The following THRB variants were observed in gnomAD, a reference collection of about 807,000 sequenced individuals.
THRB encodes nuclear receptor subfamily 1 group A member 2.
In THRB, 12 loss-of-function variants were observed where a neutral mutation model predicts 47.8. That is an observed-to-expected ratio of 0.25 (90% CI 0.16 to 0.41). THRB has a LOEUF of 0.41. Ranked by LOEUF, THRB falls within the 10% of genes least tolerant of loss-of-function variation. The probability of loss-of-function intolerance (pLI) is 1.00; values close to 1 mark genes in which losing one functional copy is unlikely to be tolerated. For missense variants in THRB, 348 were observed against 589.2 expected (o/e 0.59, Z 4.24); for synonymous variants, 218 against 212.2 (o/e 1.03, Z -0.24).
chr3:24,369,451 G>T (rs112711458), intron 1 of THRB, among the ~76,000 whole-genome samples: 1 of 152,058 alleles, frequency 6.6e-6, no homozygotes, highest in East Asian at 1.9e-4. Flanking sequence ...TGCACACATT[G>T]CCTTCACAAC....
At chr3:24,384,440 G>C (rs924565038) in intron 1 of THRB, among the ~76,000 whole-genome samples, 1 of 152,120 alleles carries the variant, frequency 6.6e-6, no homozygotes, top group African/African-American at 2.4e-5. Flanking sequence ...TCACAGCAAA[G>C]AAATCTCATT....
At chr3:24,126,133 C>G (rs1161050620) in intron 10 of THRB, among the ~76,000 whole-genome samples, 1 of 152,122 alleles carries the variant, frequency 6.6e-6, no homozygotes, top group Non-Finnish European at 1.5e-5. Flanking sequence ...TGGCTCATGC[C>G]TATAATCCCA....
At chr3:24,252,742 G>A (rs1441855345) in intron 3 of THRB, among the ~76,000 whole-genome samples, 1 of 151,738 alleles carries the variant, frequency 6.6e-6, no homozygotes, top group Non-Finnish European at 1.5e-5. Context: ...AAGAATAAGA[G>A]AACATTTATA....
At chr3:24,370,447 G>A (rs950325772) in intron 1 of THRB, among the ~76,000 whole-genome samples, 1 of 152,068 alleles carries the variant, frequency 6.6e-6, no homozygotes, top group Non-Finnish European at 1.5e-5. Context: ...CAGGACGTGT[G>A]TGAGGTGTGC....
At chr3:24,215,645 G>A (rs1018668322) in intron 4 of THRB, among the ~76,000 whole-genome samples, 4 of 152,170 alleles carry the variant, frequency 2.6e-5, no homozygotes, top group African/African-American at 9.7e-5. Context: ...TTATGACACA[G>A]ACTCATTATC....
intron 1 of THRB, among the ~76,000 whole-genome samples, chr3:24,441,154 C>G (rs2071489076): frequency 6.6e-6 from 1 of 152,198 alleles, no homozygotes; most frequent in African/African-American, 2.4e-5. Flanking sequence ...ACCTACCATT[C>G]TATGCCATGT....
intron 1 of THRB, among the ~76,000 whole-genome samples, chr3:24,375,332 TTATTATATTTAGACATATAA>T (rs2065191630): frequency 6.9e-6 from 1 of 144,470 alleles, no homozygotes; most frequent in Non-Finnish European, 1.5e-5. Context: ...TAGACATATA[TTATTATATTTAGACATATAA>T]TATTAATATA....
In THRB at chr3:24,419,586, A is replaced by T. The variant is rs181286627; in HGVS notation, c.-261+75066T>A. ...GCCAAGGTTATCTAAAGTTAAAAAT[A>T]GAATTCAGTTCTCTGGACTCCGAGT... On this transcript the variant is annotated intron_variant, in intron 1 of 10. Coordinates refer to ENST00000646209, the MANE Select transcript of THRB (RefSeq NM_001354712.2). Among the ~76,000 whole-genome samples the T allele has an allele frequency of 7.9e-5, 12 of 152,094 alleles. No homozygotes were observed. In the East Asian group the frequency reaches 2.3e-3, roughly 30 times the overall value.
intron 1 of THRB, among the ~76,000 whole-genome samples, chr3:24,465,167 T>C (rs1282345258): frequency 6.6e-6 from 1 of 152,226 alleles, no homozygotes; most frequent in Admixed American, 6.5e-5. Flanking sequence ...AAATCAATTT[T>C]TAATTCATCC....
At chr3:24,279,861 T>C (rs971128553) in intron 3 of THRB, among the ~76,000 whole-genome samples, 8 of 152,206 alleles carry the variant, frequency 5.3e-5, no homozygotes, top group African/African-American at 1.4e-4. Context: ...GAGTTCTTAA[T>C]CTGTGATCCA....
At position 24,319,517 on chromosome 3, in the gene THRB, A is replaced by G. The variant is rs114466096; in HGVS notation, c.-189+17783T>C. On this transcript the variant is annotated intron_variant, in intron 2 of 10. Transcript: ENST00000646209. ...TAAAAGAAGTTCAAGAACAGATAAA[A>G]ACATTTATCAACGGTGATGAAATTC... Among the ~76,000 whole-genome samples the G allele has an allele frequency of 3.9e-3, 597 of 152,362 alleles. 4 individuals carry two copies. The highest frequency in any genetic ancestry group is 0.014 in the African/African-American group (574 of 41,588).
rs543315209 is a variant in THRB at position 24,293,979 on chromosome 3, T to G, written c.-43+3247A>C. On this transcript the variant is annotated intron_variant, in intron 3 of 10. Coordinates refer to ENST00000646209, the MANE Select transcript of THRB (RefSeq NM_001354712.2). ...AATAATCACTGCCACCCTGCATGTC[T>G]CTGGCAATGTGACTTTGCCATTCCT... 9.8e-5 allele frequency among the ~76,000 whole-genome samples: 15 copies of G among 152,380 alleles called. No homozygotes were observed. In the East Asian group the frequency reaches 2.9e-3, roughly 29 times the overall value.
At chr3:24,265,410 T>G (rs568197609) in intron 3 of THRB, among the ~76,000 whole-genome samples, 8 of 152,302 alleles carry the variant, frequency 5.3e-5, no homozygotes, top group African/African-American at 1.9e-4. Flanking sequence ...AGTAAAGAAT[T>G]GATCAGAAAT....
rs138369393 is a variant in THRB at position 24,189,645 on chromosome 3, A to G, written c.283+429T>C. On this transcript the variant is annotated intron_variant, in intron 5 of 10. Coordinates refer to ENST00000646209, the MANE Select transcript of THRB (RefSeq NM_001354712.2). ...CCTCTCATTTGAGCATGAATTGTCT[A>G]GGTTAAAGGTAGGCATTGAGATCCC... is the stretch of plus-strand genomic sequence containing the variant. Among the ~76,000 whole-genome samples, 204 of 152,334 alleles carry G rather than the reference A, an allele frequency of 1.3e-3. 3 individuals are homozygous for G. In the East Asian group the frequency reaches 0.014, roughly 11 times the overall value.
At chr3:24,489,240 CA>C (rs72133987) in intron 1 of THRB, among the ~76,000 whole-genome samples, 51 of 137,972 alleles carry the variant, frequency 3.7e-4, no homozygotes, top group East Asian at 3.5e-3. Flanking sequence ...GACTCTGTCG[CA>C]AAAAAAAAAT....
rs71057676 is a variant in THRB at position 24,455,106 on chromosome 3, CTTTTTTTTTTTTT to C, written c.-261+39533_-261+39545del. The stretch of plus-strand genomic sequence containing the variant: ...TAGTCACTTTGGGAATAAGGACTTA[CTTTTTTTTTTTTT>C]TTTTTTTTTTTTTTTTAAGGCAGTA... On this transcript the variant is annotated intron_variant, in intron 1 of 10. Coordinates refer to ENST00000646209, the MANE Select transcript of THRB (RefSeq NM_001354712.2). 9 of 40,694 alleles carry C rather than the reference CTTTTTTTTTTTTT, an allele frequency of 2.2e-4. 1 individual carries two copies. The East Asian group carries it at 5.5e-3, about 25-fold the overall frequency. The allele number at this position is 40,694 out of a possible 1,614,324, so 2.5% of individuals were successfully genotyped here.
chr3:24,208,050 T>C lies in THRB; in HGVS notation c.23-17716A>G, dbSNP rs545832357. On this transcript the variant is annotated intron_variant, in intron 4 of 10. Coordinates refer to ENST00000646209, the MANE Select transcript of THRB (RefSeq NM_001354712.2). Reference sequence around the variant, plus strand: ...AATCACAAGCATTCCTATACACCAATAACAGACAAACAGAGAGCCAAATCA... The same window carrying C: ...AATCACAAGCATTCCTATACACCAACAACAGACAAACAGAGAGCCAAATCA... Among the ~76,000 whole-genome samples the C allele has an allele frequency of 3.9e-3, 587 of 151,944 alleles. 4 individuals are homozygous for C. Among genetic ancestry groups the C allele is most frequent in the Middle Eastern group, 6.8e-3 (2 of 294 alleles).
At chr3:24,188,639 G>A (rs1239629494) in intron 5 of THRB, among the ~76,000 whole-genome samples, 2 of 151,872 alleles carry the variant, frequency 1.3e-5, no homozygotes, top group Non-Finnish European at 2.9e-5. Flanking sequence ...GCGTTTCACC[G>A]TAAACTGACA....
At chr3:24,209,089 C>T (rs2045729263) in intron 4 of THRB, among the ~76,000 whole-genome samples, 1 of 152,220 alleles carries the variant, frequency 6.6e-6, no homozygotes, top group African/African-American at 2.4e-5. Context: ...AAAAAATGCT[C>T]ATAATCACTG....
Sources: allele counts gnomAD v4.1 joint callset (sites outside exome capture counted in the v4.1 genomes callset), GRCh38; gene constraint gnomAD v4.1.1; transcripts MANE v1.5; gene names NCBI Gene and HGNC (gene_info 2026-07-23, HGNC 2026-07-21).